NFATC3: variants seen among roughly 807,000 people sequenced by gnomAD.
NFATC3 encodes nuclear factor of activated T-cells, cytoplasmic 3.
A neutral mutation model predicts 98.6 loss-of-function variants in NFATC3; 46 were observed. The ratio of observed to expected loss-of-function variants is 0.47; its 90% CI spans 0.37 to 0.60. NFATC3 has a LOEUF of 0.60. Among genes scored for constraint, NFATC3 ranks in the 20% least tolerant of loss-of-function variants. The probability of loss-of-function intolerance (pLI) is 0.00; values close to 1 mark genes in which losing one functional copy is unlikely to be tolerated. For synonymous variants in NFATC3, 512 were observed against 472.2 expected (o/e 1.08, Z -1.09); for missense variants, 1,256 against 1,295.5 (o/e 0.97, Z 0.47).
intron 9 of NFATC3, chr16:68,217,782 G>A (rs1193197475): frequency 1.6e-6 from 2 of 1,231,500 alleles, no homozygotes; most frequent in Admixed American, 4.2e-5. Flanking sequence ...GAAAAAGGGA[G>A]GAAGAAGGAG....
intron 9 of NFATC3, among the ~76,000 whole-genome samples, chr16:68,217,297 T>G (rs2041673873): frequency 6.6e-6 from 1 of 151,808 alleles, no homozygotes; most frequent in African/African-American, 2.4e-5. Flanking sequence ...CTGGGCATGG[T>G]GGCTCATGCC....
chr16:68,209,150 G>T (rs2151153344), intron 9 of NFATC3, among the ~76,000 whole-genome samples: 1 of 152,196 alleles, frequency 6.6e-6, no homozygotes, highest in Non-Finnish European at 1.5e-5. Context: ...TTTTCATATT[G>T]AGGAAATTCC....
chr16:68,150,479 GA>G (rs1304857048), intron 3 of NFATC3, among the ~76,000 whole-genome samples: 1 of 148,730 alleles, frequency 6.7e-6, no homozygotes, highest in Non-Finnish European at 1.5e-5. Context: ...CTACTCTAGA[GA>G]CTGAAGTGGA....
intron 4 of NFATC3, among the ~76,000 whole-genome samples, chr16:68,165,993 T>C (rs2039174766): frequency 6.6e-6 from 1 of 152,274 alleles, no homozygotes; most frequent in Admixed American, 6.5e-5. Flanking sequence ...TGAAATGTTA[T>C]ACCTTAAATG....
intron 3 of NFATC3, among the ~76,000 whole-genome samples, chr16:68,135,319 G>A (rs1355264146): frequency 3.3e-5 from 5 of 151,932 alleles, no homozygotes; most frequent in South Asian, 2.1e-4. Flanking sequence ...TTAGCCGAGC[G>A]TGTTGGTGGG....
chr16:68,161,957 C>A (rs1244122505), intron 4 of NFATC3, among the ~76,000 whole-genome samples: 1 of 152,180 alleles, frequency 6.6e-6, no homozygotes, highest in Non-Finnish European at 1.5e-5. Context: ...TTTACTAGCA[C>A]ATGGAACAAG....
chr16:68,185,179 G>C (rs374915959), intron 8 of NFATC3, among the ~76,000 whole-genome samples: 2 of 152,038 alleles, frequency 1.3e-5, no homozygotes, highest in African/African-American at 4.8e-5. Context: ...GTTTCACCAC[G>C]TTGGCCAGGC....
intron 9 of NFATC3, among the ~76,000 whole-genome samples, chr16:68,216,143 G>C (rs2041629784): frequency 6.6e-6 from 1 of 152,222 alleles, no homozygotes; most frequent in African/African-American, 2.4e-5. Flanking sequence ...AGCACAGGTA[G>C]TGGAATGGGT....
chr16:68,165,183 A>G (rs1300420338), intron 4 of NFATC3, among the ~76,000 whole-genome samples: 3 of 152,112 alleles, frequency 2.0e-5, no homozygotes, highest in African/African-American at 7.2e-5. Flanking sequence ...TAACTTGATA[A>G]TACTGCTTTG....
At chr16:68,220,267 T>C (rs2041810827) in intron 9 of NFATC3, among the ~76,000 whole-genome samples, 1 of 152,188 alleles carries the variant, frequency 6.6e-6, no homozygotes, top group South Asian at 2.1e-4. Flanking sequence ...CTCACGCCTG[T>C]AATCCCAGCA....
At chr16:68,214,548 G>GC (rs1291020333) in intron 9 of NFATC3, 21 of 763,068 alleles carry the variant, frequency 2.8e-5, no homozygotes, top group Non-Finnish European at 4.7e-5. Context: ...TTTCTGGTAG[G>GC]CCCACTCATT....
chr16:68,142,010 T>C (rs767762639), intron 3 of NFATC3, among the ~76,000 whole-genome samples: 8 of 152,202 alleles, frequency 5.3e-5, no homozygotes, highest in Non-Finnish European at 1.0e-4. Context: ...TCCAGTTTCA[T>C]TCTTCTACGT....
intron 1 of NFATC3, among the ~76,000 whole-genome samples, chr16:68,089,859 C>A (rs2034607394): frequency 6.6e-6 from 1 of 151,988 alleles, no homozygotes; most frequent in Non-Finnish European, 1.5e-5. Flanking sequence ...ACTTTCTAGT[C>A]CTGAATGAGA....
chr16:68,214,673 G>A (rs1407547035), intron 9 of NFATC3, among the ~76,000 whole-genome samples: 1 of 152,146 alleles, frequency 6.6e-6, no homozygotes, highest in African/African-American at 2.4e-5. Flanking sequence ...TGTTTACTTA[G>A]ATTTATTAGA....
chr16:68,217,876 C>T (rs1034453817), intron 9 of NFATC3: 1 of 1,226,548 alleles, frequency 8.2e-7, no homozygotes. Flanking sequence ...CCATACCTAG[C>T]TACACTGGGG....
At chr16:68,160,788 GA>G (rs1434056964) in intron 4 of NFATC3, among the ~76,000 whole-genome samples, 1 of 152,004 alleles carries the variant, frequency 6.6e-6, no homozygotes, top group Non-Finnish European at 1.5e-5. Context: ...AGGCTCAAGT[GA>G]TTCTCGTGCT....
intron 1 of NFATC3, among the ~76,000 whole-genome samples, chr16:68,095,717 T>C (rs1282197908): frequency 2.0e-5 from 3 of 152,208 alleles, no homozygotes; most frequent in Non-Finnish European, 2.9e-5. Flanking sequence ...TGGCACTTGC[T>C]TTTTCTTTTG....
intron 1 of NFATC3, 21 bp downstream of exon 1, chr16:68,085,805 G>C: frequency 7.0e-7 from 1 of 1,421,198 alleles, no homozygotes; most frequent in Non-Finnish European, 9.1e-7. Flanking sequence ...GGCCAGGCGG[G>C]ACCGTGGAGC....
At chr16:68,215,971 G>C (rs564607601) in intron 9 of NFATC3, among the ~76,000 whole-genome samples, 46 of 152,134 alleles carry the variant, frequency 3.0e-4, no homozygotes, top group Middle Eastern at 3.4e-3. Context: ...CTCGTGATCC[G>C]CCCACCTTGG....
Sources: gnomAD v4.1 joint callset for allele counts (sites outside exome capture counted in the v4.1 genomes callset) on GRCh38, gnomAD v4.1.1 for gene constraint, MANE v1.5 for transcripts, NCBI Gene and HGNC (gene_info 2026-07-23, HGNC 2026-07-21) for gene names.